Variants in POTEJ observed in about 807,000 individuals in gnomAD.
POTEJ encodes POTE ankyrin domain family member J.
A neutral mutation model predicts 69.0 loss-of-function variants in POTEJ; 11 were observed. That is an observed-to-expected ratio of 0.16 (90% CI 0.10 to 0.26). The LOEUF (loss-of-function observed/expected upper bound fraction) is 0.26, where lower values mean the gene tolerates loss of function less well. Among genes scored for constraint, POTEJ ranks in the 10% least tolerant of loss-of-function variants. POTEJ has a pLI of 1.00. For synonymous variants in POTEJ, 117 were observed against 381.1 expected (o/e 0.31, Z 8.07); for missense variants, 327 against 1,045.5 (o/e 0.31, Z 9.48).
intron 10 of POTEJ, among the ~76,000 whole-genome samples, chr2:130,640,964 T>C (rs1686343907): frequency 6.6e-6 from 1 of 151,986 alleles, no homozygotes; most frequent in South Asian, 2.1e-4. Context: ...TATTAAGGCG[T>C]TCTGGTTATG....
intron 10 of POTEJ, among the ~76,000 whole-genome samples, chr2:130,643,477 A>G (rs1272031958): frequency 7.2e-6 from 1 of 138,068 alleles, no homozygotes; most frequent in Non-Finnish European, 1.6e-5. Flanking sequence ...TGATCATGCC[A>G]CTGCATTCCA....
Position 130,611,587 on chromosome 2 carries a change from G to T in POTEJ, c.55G>T (p.Val19Phe), listed in dbSNP as rs1685209061. 1 of 969,410 alleles carries T rather than the reference G, an allele frequency of 1.0e-6. No individual in the cohort carries two copies. The highest frequency in any genetic ancestry group is 1.6e-6 in the Non-Finnish European group (1 of 629,454). 60.1% of individuals were successfully genotyped at this position (969,410 alleles called of 1,614,324 possible). Residue 19 changes from valine to phenylalanine, a missense_variant, in exon 1 of 15, where the codon GTT becomes TTT. Physicochemically the swap from Val to Phe is conservative, Grantham distance 50. Coordinates refer to ENST00000409602, the MANE Select transcript of POTEJ (RefSeq NM_001277083.2). ...PAASSVKKPFVLRSKMGKWCR... is the reference protein window; with the variant it reads ...PAASSVKKPFFLRSKMGKWCR... Reference sequence around the variant, plus strand: ...TGCCTCTTCTGTGAAGAAGCCATTTGTTCTCAGGAGCAAGATGGGCAAGTG... The same window carrying T: ...TGCCTCTTCTGTGAAGAAGCCATTTTTTCTCAGGAGCAAGATGGGCAAGTG...
chr2:130,643,232 G>T (rs1458937644), intron 10 of POTEJ, among the ~76,000 whole-genome samples: 2 of 144,814 alleles, frequency 1.4e-5, no homozygotes, highest in Non-Finnish European at 3.1e-5. Flanking sequence ...ACATAGCATT[G>T]TTTCAAAAGA....
intron 6 of POTEJ, among the ~76,000 whole-genome samples, chr2:130,624,388 G>C (rs1685628526): frequency 7.0e-6 from 1 of 142,346 alleles, no homozygotes; most frequent in Admixed American, 6.7e-5. Flanking sequence ...CAACTGGATG[G>C]TCTCATCTGG....
Position 130,657,529 on chromosome 2 carries a change from G to T in POTEJ, c.2769G>T (p.Ala923=), listed in dbSNP as rs754311928. The T allele has an allele frequency of 1.3e-6, 2 of 1,566,614 alleles. 1 individual carries two copies. Among genetic ancestry groups the T allele is most frequent in the East Asian group, 4.5e-5 (2 of 44,820 alleles). ...ISNEWFRCPE[A]LFQPCFLGME... Reference sequence around the variant, plus strand: ...ACGAGTGGTTCCGCTGCCCCGAGGCGCTCTTCCAGCCTTGCTTCCTGGGCA... The same window carrying T: ...ACGAGTGGTTCCGCTGCCCCGAGGCTCTCTTCCAGCCTTGCTTCCTGGGCA... Residue 923 remains alanine, a synonymous_variant, in exon 15 of 15, where the codon GCG becomes GCT. Transcript: ENST00000409602.
chr2:130,646,457 C>T, intron 13 of POTEJ, 147 bp downstream of exon 13: 1 of 912,378 alleles, frequency 1.1e-6, no homozygotes, highest in Non-Finnish European at 1.5e-6. Flanking sequence ...AATCAGCAAA[C>T]AATCAGTTAC....
chr2:130,640,253 T>C (rs1686299043), intron 10 of POTEJ, among the ~76,000 whole-genome samples: 1 of 142,564 alleles, frequency 7.0e-6, no homozygotes, highest in Non-Finnish European at 1.5e-5. Context: ...GACAAGATGC[T>C]TGAGTGAACA....
Position 130,640,585 on chromosome 2 carries a change from C to T in POTEJ, c.1369+1896C>T, listed in dbSNP as rs534928141. On this transcript the variant is annotated intron_variant, in intron 10 of 14. Transcript: ENST00000409602. Reference sequence around the variant, plus strand: ...CGTCTCCTTTCGTGGTTGGCTAATCCGCAGCAGCTCCAAACATCTTGTTCT... The same window carrying T: ...CGTCTCCTTTCGTGGTTGGCTAATCTGCAGCAGCTCCAAACATCTTGTTCT... 2.0e-4 allele frequency among the ~76,000 whole-genome samples: 31 copies of T among 151,896 alleles called. No individual in the cohort carries two copies. The South Asian group carries it at 2.7e-3, about 13-fold the overall frequency.
intron 13 of POTEJ, among the ~76,000 whole-genome samples, chr2:130,652,249 G>T (rs529143589): frequency 7.3e-6 from 1 of 136,388 alleles, no homozygotes; most frequent in Non-Finnish European, 1.6e-5. Context: ...GTTTCCTGAG[G>T]CCTCCCCAGC....
intron 10 of POTEJ, among the ~76,000 whole-genome samples, chr2:130,641,488 C>A (rs1465761548): frequency 2.7e-5 from 4 of 148,926 alleles, no homozygotes; most frequent in Non-Finnish European, 6.0e-5. Context: ...TGTTTGTGTT[C>A]CCAGTGGCAG....
rs375547784 is a variant in POTEJ at position 130,630,804 on chromosome 2, C to G, written c.1087-605C>G. Among the ~76,000 whole-genome samples the G allele has an allele frequency of 2.4e-4, 35 of 145,638 alleles. No individual in the cohort carries two copies. The East Asian group carries it at 6.2e-3, about 26-fold the overall frequency. ...TAGTACACATTAGAATATATTAGAA[C>G]TGGACTTAAGCAGATAATCTGGATA... On this transcript the variant is annotated intron_variant, in intron 7 of 14. Coordinates refer to ENST00000409602, the MANE Select transcript of POTEJ (RefSeq NM_001277083.2).
chr2:130,640,875 T>C (rs1209193883), intron 10 of POTEJ, among the ~76,000 whole-genome samples: 2 of 152,192 alleles, frequency 1.3e-5, no homozygotes, highest in East Asian at 1.9e-4. Context: ...GGAATGGCTA[T>C]TGATAGGGAG....
At chr2:130,625,839 A>G (rs1685685803) in intron 6 of POTEJ, among the ~76,000 whole-genome samples, 1 of 135,514 alleles carries the variant, frequency 7.4e-6, no homozygotes. Flanking sequence ...AGTAGGTCTT[A>G]TCCTGTGTGC....
rs760347636 is a variant in POTEJ at position 130,625,789 on chromosome 2, A to G, written c.1015+1655A>G. Among the ~76,000 whole-genome samples, 4 of 138,678 alleles carry G rather than the reference A, an allele frequency of 2.9e-5. 1 individual carries two copies. Among genetic ancestry groups the G allele is most frequent in the Non-Finnish European group, 6.2e-5 (4 of 64,870 alleles). 91.0% of individuals were successfully genotyped at this position (138,678 alleles called of 152,430 possible). On this transcript the variant is annotated intron_variant, in intron 6 of 14. Coordinates refer to ENST00000409602, the MANE Select transcript of POTEJ (RefSeq NM_001277083.2). ...TTGGGAGTGAGGTGAATACTTAGCTAAGGCAAGTTTATGATATACTTTTTA... is the reference window on the plus strand; with the variant it reads ...TTGGGAGTGAGGTGAATACTTAGCTGAGGCAAGTTTATGATATACTTTTTA...
intron 9 of POTEJ, 119 bp downstream of exon 9, chr2:130,632,775 A>C: frequency 7.7e-7 from 1 of 1,305,206 alleles, no homozygotes; most frequent in Middle Eastern, 2.8e-4. Flanking sequence ...AGCCTTGCCC[A>C]TTAATCAGAA....
At chr2:130,651,981 C>A (rs1042955800) in intron 13 of POTEJ, among the ~76,000 whole-genome samples, 1 of 132,380 alleles carries the variant, frequency 7.6e-6, no homozygotes, top group African/African-American at 3.6e-5. Flanking sequence ...GATACCCCCC[C>A]CCAATAGTTT....
chr2:130,632,941 TAG>T (rs1283890797), intron 9 of POTEJ, among the ~76,000 whole-genome samples: 1 of 147,302 alleles, frequency 6.8e-6, no homozygotes, highest in Non-Finnish European at 1.5e-5. Context: ...GGTTATTATA[TAG>T]GTAAAGTGTA....
rs1417701821 is a variant in POTEJ at position 130,657,077 on chromosome 2, CT to C, written c.2318del (p.Leu773ArgfsTer10). The C allele has an allele frequency of 3.8e-6, 6 of 1,580,836 alleles. 1 individual carries two copies. Among genetic ancestry groups the C allele is most frequent in the South Asian group, 2.2e-5 (2 of 90,728 alleles). On this transcript the variant is annotated frameshift_variant, in exon 15 of 15. Coordinates refer to ENST00000409602, the MANE Select transcript of POTEJ (RefSeq NM_001277083.2). LOFTEE classifies it high-confidence loss of function. ...EHPILLTEAP[L>X]NPKANREKMT... ...CCCCATCCTGCTGACCGAGGCCCCC[CT>C]GAACCCCAAGGCCAACCGCGAGAAG...
At chr2:130,624,861 A>G (rs1685646198) in intron 6 of POTEJ, among the ~76,000 whole-genome samples, 1 of 152,120 alleles carries the variant, frequency 6.6e-6, no homozygotes, top group Non-Finnish European at 1.5e-5. Context: ...CTTTGTTGGA[A>G]CAAGATGTGT....
Sources: allele counts gnomAD v4.1 joint callset (sites outside exome capture counted in the v4.1 genomes callset), GRCh38; gene constraint gnomAD v4.1.1; transcripts MANE v1.5; gene names NCBI Gene and HGNC (gene_info 2026-07-23, HGNC 2026-07-21).